The following MYO9A variants were observed in gnomAD, a reference collection of about 807,000 sequenced individuals.
MYO9A encodes the protein myosin IXA.
MYO9A carries 103 observed loss-of-function variants against 293.3 expected under a neutral mutation model. The ratio of observed to expected loss-of-function variants is 0.35; its 90% CI spans 0.30 to 0.41. MYO9A has a LOEUF of 0.41. MYO9A is among the 10% of genes least tolerant of loss of function. MYO9A has a pLI of 1.00. For missense variants in MYO9A, 2,685 were observed against 3,033.0 expected (o/e 0.89, Z 2.69); for synonymous variants, 1,001 against 1,035.7 (o/e 0.97, Z 0.64).
intron 39 of MYO9A, among the ~76,000 whole-genome samples, chr15:71,833,777 T>C (rs1410984192): frequency 1.3e-5 from 2 of 152,016 alleles, no homozygotes; most frequent in African/African-American, 2.4e-5. Context: ...AATTAAGAAA[T>C]AGACTTTAAA....
chr15:71,894,100 T>C (rs984603844), intron 25 of MYO9A, among the ~76,000 whole-genome samples: 1 of 152,160 alleles, frequency 6.6e-6, no homozygotes, highest in African/African-American at 2.4e-5. Context: ...ACCAAACCCC[T>C]GAATCTTTAG....
rs138184996 is a variant in MYO9A at position 71,832,542 on chromosome 15, A to G, written c.6838-2231T>C. Among the ~76,000 whole-genome samples the G allele has an allele frequency of 2.9e-4, 44 of 152,308 alleles. 1 individual carries two copies. In the East Asian group the frequency reaches 7.5e-3, roughly 26 times the overall value. On this transcript the variant is annotated intron_variant, in intron 39 of 41. Transcript: ENST00000356056. Reference sequence around the variant, plus strand: ...ACAGAAATAATGGAATGCAGAAAACAATGGAATATTTTCATGGTGATGAAA... The same window carrying G: ...ACAGAAATAATGGAATGCAGAAAACGATGGAATATTTTCATGGTGATGAAA...
At chr15:72,092,910 T>TAC (rs59999448) in intron 1 of MYO9A, among the ~76,000 whole-genome samples, 17,835 of 141,870 alleles carry the variant, frequency 0.13, 1,171 homozygotes, top group East Asian at 0.23. Context: ...CCACCTTACT[T>TAC]ACACACACAC....
At chr15:71,914,398 G>A (rs1447490898) in intron 19 of MYO9A, among the ~76,000 whole-genome samples, 1 of 152,124 alleles carries the variant, frequency 6.6e-6, no homozygotes, top group Non-Finnish European at 1.5e-5. Flanking sequence ...TGAGTTCTAT[G>A]GTATCATTTT....
intron 39 of MYO9A, among the ~76,000 whole-genome samples, chr15:71,834,789 C>CA (rs1213774192): frequency 1.3e-5 from 2 of 151,460 alleles, no homozygotes; most frequent in African/African-American, 4.8e-5. Context: ...CAAACAAAAA[C>CA]AAAAAAGGAT....
chr15:71,832,704 T>C (rs1567178340), intron 39 of MYO9A, among the ~76,000 whole-genome samples: 5 of 152,112 alleles, frequency 3.3e-5, no homozygotes, highest in African/African-American at 7.2e-5. Context: ...GAAGGAAAGA[T>C]TGAAAATGTC....
intron 1 of MYO9A, among the ~76,000 whole-genome samples, chr15:72,110,454 A>G (rs1022376126): frequency 7.3e-5 from 11 of 150,982 alleles, no homozygotes; most frequent in Admixed American, 2.6e-4. Flanking sequence ...AAAAAAAAAA[A>G]AAAAGAAAAT....
At chr15:71,852,325 T>C in intron 35 of MYO9A, 65 bp from the exon 36 acceptor site, 1 of 1,444,422 alleles carries the variant, frequency 6.9e-7, no homozygotes, top group Non-Finnish European at 9.3e-7. Flanking sequence ...ATAATTCACT[T>C]TAGAAACTAT....
intron 14 of MYO9A, among the ~76,000 whole-genome samples, chr15:71,953,295 T>C (rs1379700655): frequency 6.6e-6 from 1 of 152,182 alleles, no homozygotes; most frequent in Non-Finnish European, 1.5e-5. Context: ...TAAACTCCAC[T>C]GCACTTGGTT....
At chr15:71,983,765 G>A (rs2076340753) in intron 11 of MYO9A, among the ~76,000 whole-genome samples, 1 of 151,850 alleles carries the variant, frequency 6.6e-6, no homozygotes, top group South Asian at 2.1e-4. Context: ...TTACAGGCGT[G>A]AGCCACCACG....
chr15:71,940,503 G>A (rs887762774), intron 15 of MYO9A, among the ~76,000 whole-genome samples: 4 of 151,974 alleles, frequency 2.6e-5, no homozygotes, highest in African/African-American at 7.3e-5. Flanking sequence ...GAGCGGGGAC[G>A]GGGTTGGGGG....
At position 71,920,392 on chromosome 15, in the gene MYO9A, T is replaced by C. The variant is rs1174980875; in HGVS notation, c.2563-3900A>G. Among the ~76,000 whole-genome samples, 4 of 152,080 alleles carry C rather than the reference T, an allele frequency of 2.6e-5. No individual in the cohort carries two copies. In the East Asian group the frequency reaches 7.7e-4, roughly 29 times the overall value. ...GCGAAGGGGAGGGGCCCTTGGGAAG[T>C]AGCTGGGTAGTGGTATTAGTACCTT... On this transcript the variant is annotated intron_variant, in intron 18 of 41. Transcript: ENST00000356056.
intron 18 of MYO9A, among the ~76,000 whole-genome samples, chr15:71,925,149 T>TCACATATATACATGTGTATATATA (rs143688422): frequency 8.6e-4 from 122 of 141,458 alleles, no homozygotes; most frequent in South Asian, 4.7e-3. Context: ...AATATTTCCT[T>TCACATATATACATGTGTATATATA]CACATATATA....
chr15:72,065,950 C>T (rs1279683059), intron 1 of MYO9A, among the ~76,000 whole-genome samples: 8 of 152,202 alleles, frequency 5.3e-5, no homozygotes, highest in Admixed American at 5.2e-4. Context: ...TACACCACAA[C>T]TTAGTTTAAG....
chr15:72,032,507 C>T lies in MYO9A; in HGVS notation c.922G>A (p.Gly308Ser). 1.2e-6 allele frequency: 2 copies of T among 1,603,780 alleles called. No homozygotes were observed. Among genetic ancestry groups the T allele is most frequent in the Non-Finnish European group, 1.7e-6 (2 of 1,175,256 alleles). Reference sequence around the variant, plus strand: ...AGCAGTACTTACCCAAGTACAGTGCCTGTTTCCTGGTAATTTACTTGAATA... The same window carrying T: ...AGCAGTACTTACCCAAGTACAGTGCTTGTTTCCTGGTAATTTACTTGAATA... ...KFIQVNYQETGTVLGAYVEKY... is the reference protein window; with the variant it reads ...KFIQVNYQETSTVLGAYVEKY... The change falls in exon 3 of 42, where the codon GGC becomes AGC. Residue 308 changes from glycine to serine, a missense_variant. Gly to Ser is a moderately conservative substitution (Grantham distance 56). Around this residue, in one of 10 missense-constraint regions of MYO9A, gnomAD observed 289 missense variants for 456.8 expected, o/e 0.63. Coordinates refer to ENST00000356056, the MANE Select transcript of MYO9A (RefSeq NM_006901.4).
At chr15:72,042,351 T>C (rs2078253613) in intron 2 of MYO9A, among the ~76,000 whole-genome samples, 1 of 151,946 alleles carries the variant, frequency 6.6e-6, no homozygotes, top group African/African-American at 2.4e-5. Context: ...ATTTTTTTAA[T>C]GAGAAAGAAA....
At chr15:72,065,158 T>A in intron 1 of MYO9A, among the ~76,000 whole-genome samples, 1 of 152,294 alleles carries the variant, frequency 6.6e-6, no homozygotes, top group East Asian at 1.9e-4. Context: ...CAAAAATTAC[T>A]TTATGATGGA....
chr15:72,103,462 AAGCAGC>A (rs1182274305), intron 1 of MYO9A, among the ~76,000 whole-genome samples: 2 of 149,062 alleles, frequency 1.3e-5, no homozygotes, highest in African/African-American at 2.5e-5. Context: ...GCAGAAGAAG[AAGCAGC>A]AGCAGAAGCA....
chr15:71,883,849 T>C, intron 27 of MYO9A, 113 bp from the exon 28 acceptor site: 1 of 957,980 alleles, frequency 1.0e-6, no homozygotes, highest in African/African-American at 1.7e-5. Flanking sequence ...CATTTAAGCT[T>C]CACATTTAAA....
Sources: gnomAD v4.1 joint callset for allele counts (sites outside exome capture counted in the v4.1 genomes callset) on GRCh38, gnomAD v4.1.1 for gene constraint, gnomAD v4.1.1 regional missense constraint, MANE v1.5 for transcripts, NCBI Gene and HGNC (gene_info 2026-07-23, HGNC 2026-07-21) for gene names.